The following PRR12 variants were observed in gnomAD, a reference collection of about 807,000 sequenced individuals.
The protein encoded by PRR12 is proline rich 12.
In PRR12, 12 loss-of-function variants were observed where a neutral mutation model predicts 138.0. That is an observed-to-expected ratio of 0.09 (90% CI 0.06 to 0.14). The LOEUF is 0.14. PRR12 is among the 10% of genes least tolerant of loss of function. PRR12 has a pLI of 1.00. For synonymous variants in PRR12, 1,567 were observed against 1,291.7 expected, an observed-to-expected ratio of 1.21 and a Z score of -4.57; for missense variants, 2,692 against 2,861.3, an observed-to-expected ratio of 0.94 and a Z score of 1.35.
chr19:49,612,244 A>AT (rs995578120), intron 6 of PRR12, among the ~76,000 whole-genome samples: 4 of 151,746 alleles, frequency 2.6e-5, no homozygotes, highest in African/African-American at 9.7e-5. Context: ...AAAAAAAAAA[A>AT]AAAGCTTGCT....
intron 6 of PRR12, among the ~76,000 whole-genome samples, chr19:49,613,976 C>T (rs758483807): frequency 2.6e-5 from 4 of 152,084 alleles, no homozygotes; most frequent in Non-Finnish European, 2.9e-5. Context: ...GGTGTGGTGG[C>T]GCATGCCTGT....
chr19:49,614,278 G>C lies in PRR12; in HGVS notation c.4774-255G>C, dbSNP rs1370952738. ...AAGTTTTGGGCTTTCACCCCGTAAA[G>C]CAATAGTGACTCAAACTCTACAGCC... On this transcript the variant is annotated intron_variant, in intron 6 of 13. Coordinates refer to ENST00000418929, the MANE Select transcript of PRR12 (RefSeq NM_020719.3). The surrounding 1 kb of genome is among the most constrained non-coding windows in gnomAD (Gnocchi z 5.0). Among the ~76,000 whole-genome samples, 1 of 152,194 alleles carries C rather than the reference G, an allele frequency of 6.6e-6. No individual in the cohort carries two copies. Among genetic ancestry groups the C allele is most frequent in the African/African-American group, 2.4e-5 (1 of 41,464 alleles).
At chr19:49,610,099 C>G (rs544530040) in intron 6 of PRR12, among the ~76,000 whole-genome samples, 1 of 152,084 alleles carries the variant, frequency 6.6e-6, no homozygotes, top group South Asian at 2.1e-4. Context: ...CTCAGCCTCC[C>G]GAGTAGCTGG....
intron 4 of PRR12, among the ~76,000 whole-genome samples, chr19:49,598,334 A>G (rs1255419872): frequency 6.6e-6 from 1 of 151,902 alleles, no homozygotes; most frequent in Non-Finnish European, 1.5e-5. Flanking sequence ...TCGGCCTCCC[A>G]AAGTGCTGGG....
rs746685827 is a variant in PRR12, at chr19:49,596,732, C to G, written c.2397C>G (p.Pro799=). 3.7e-6 allele frequency: 6 copies of G among 1,605,042 alleles called. No individual in the cohort carries two copies. The highest frequency in any genetic ancestry group is 3.4e-6 in the Non-Finnish European group (4 of 1,178,710). Residue 799 remains proline, a synonymous_variant, in exon 4 of 14, where the codon CCC becomes CCG. Coordinates refer to ENST00000418929, the MANE Select transcript of PRR12 (RefSeq NM_020719.3). This position sits in a 1 kb window ranked among gnomAD's most constrained non-coding sequence, Gnocchi z 5.6. ...CACTGGTGCTGCCTCCGCCTCCCCC[C>G]CAGCTGCTCCCCTCGGTCCTCAGCC... The part of the protein sequence containing the change: ...DLPLVLPPPP[P]QLLPSVLSHA...
At position 49,599,915 on chromosome 19, in the gene PRR12, G is replaced by A. The variant is rs1467693125; in HGVS notation, c.4322G>A (p.Ser1441Asn). The change falls in exon 5 of 14, where the codon AGT becomes AAT. Residue 1441 changes from serine to asparagine, a missense_variant. This residue lies in a region of PRR12 where 231 missense variants were observed against 200.8 expected (regional missense o/e 1.15). Transcript: ENST00000418929. The surrounding 1 kb of genome is among the most constrained non-coding windows in gnomAD (Gnocchi z 5.0). ...CCACCCCCTCTTCCGGGGCTCCCCA[G>A]TGCCAACAGCAATGGCACTCCCGGT... ...PGPPPLPGLP[S>N]ANSNGTPEPP... 2 of 1,607,044 alleles carry A rather than the reference G, an allele frequency of 1.2e-6. No homozygotes were observed. Among genetic ancestry groups the A allele is most frequent in the Admixed American group, 3.4e-5 (2 of 59,672 alleles).
At chr19:49,622,928 T>TATATATATAGAG (rs1320368074) in intron 11 of PRR12, among the ~76,000 whole-genome samples, 1 of 77,756 alleles carries the variant, frequency 1.3e-5, no homozygotes. Flanking sequence ...TATATATATA[T>TATATATATAGAG]AGAGAGAGAG....
chr19:49,596,424 A>C lies in PRR12; in HGVS notation c.2089A>C (p.Arg697=), dbSNP rs770071734. ...CGAGTTGGCCAAGGAAGACCCCCAG[A>C]GGTACCACCTGCAGAGTGTCATCCG... ...PYELAKEDPQ[R]YHLQSVIRTS... Residue 697 remains arginine, a synonymous_variant, in exon 4 of 14, where the codon AGG becomes CGG. Coordinates refer to ENST00000418929, the MANE Select transcript of PRR12 (RefSeq NM_020719.3). This position sits in a 1 kb window ranked among gnomAD's most constrained non-coding sequence, Gnocchi z 5.6. The C allele has an allele frequency of 6.2e-7, 1 of 1,609,936 alleles. No individual in the cohort carries two copies. The highest frequency in any genetic ancestry group is 8.5e-7 in the Non-Finnish European group (1 of 1,179,444).
intron 9 of PRR12, among the ~76,000 whole-genome samples, chr19:49,618,646 CACAA>C (rs1437408835): frequency 1.2e-4 from 19 of 152,126 alleles, no homozygotes; most frequent in Admixed American, 1.1e-3. Flanking sequence ...GCCTCAGTCT[CACAA>C]AGTGCTGGGA....
intron 6 of PRR12, among the ~76,000 whole-genome samples, chr19:49,607,534 C>A (rs1245453362): frequency 4.6e-5 from 7 of 151,364 alleles, no homozygotes; most frequent in African/African-American, 1.2e-4. Context: ...GGCAAAACGC[C>A]CCCCCTACAA....
At chr19:49,621,417 T>C (rs2080922871) in intron 10 of PRR12, 108 bp from the exon 11 acceptor site, 1 of 858,084 alleles carries the variant, frequency 1.2e-6, no homozygotes. Flanking sequence ...CCTGTACTTT[T>C]GTCTCTGAGT....
chr19:49,596,857 C>T lies in PRR12; in HGVS notation c.2522C>T (p.Pro841Leu), dbSNP rs766777377. The T allele has an allele frequency of 2.6e-5, 41 of 1,576,284 alleles. No homozygotes were observed. The highest frequency in any genetic ancestry group is 3.5e-5 in the Admixed American group (2 of 57,354). Reference protein sequence around the residue: ...GAPQPPPPPPPPPPPMPLQLE... With the variant: ...GAPQPPPPPPLPPPPMPLQLE... The stretch of plus-strand genomic sequence containing the variant: ...CCCCAGCCACCTCCACCGCCACCCC[C>T]GCCTCCACCACCCATGCCCCTGCAG... Residue 841 changes from proline to leucine, a missense_variant, in exon 4 of 14, where the codon CCG (proline) becomes CTG (leucine). This residue lies in a region of PRR12 where 840 missense variants were observed against 689.8 expected (regional missense o/e 1.22). Transcript: ENST00000418929. This position sits in a 1 kb window ranked among gnomAD's most constrained non-coding sequence, Gnocchi z 5.6.
chr19:49,603,746 A>G (rs953324383), intron 6 of PRR12, among the ~76,000 whole-genome samples: 36 of 152,178 alleles, frequency 2.4e-4, no homozygotes, highest in Admixed American at 2.2e-3. Flanking sequence ...GTTTTAATTT[A>G]ATCTTCGATG....
intron 4 of PRR12, 26 bp downstream of exon 4, chr19:49,598,039 G>C (rs1413690925): frequency 7.6e-7 from 1 of 1,319,166 alleles, no homozygotes; most frequent in African/African-American, 1.5e-5. Flanking sequence ...GTCTTGTAGG[G>C]GATAGGGGAG....
Position 49,598,029 on chromosome 19 carries a change from G to C in PRR12, c.3678+16G>C. On this transcript the variant is annotated intron_variant, in intron 4 of 13. Transcript: ENST00000418929. Reference sequence around the variant, plus strand: ...GCCACTTAAGGTGAGGGGAAATGGGGTCTTGTAGGGGATAGGGGAGGAGGA... The same window carrying C: ...GCCACTTAAGGTGAGGGGAAATGGGCTCTTGTAGGGGATAGGGGAGGAGGA... 1 of 1,345,462 alleles carries C rather than the reference G, an allele frequency of 7.4e-7. No individual in the cohort carries two copies. Among genetic ancestry groups the C allele is most frequent in the African/African-American group, 1.5e-5 (1 of 65,106 alleles). The allele number at this position is 1,345,462 out of a possible 1,614,324, so 83.3% of individuals were successfully genotyped here.
chr19:49,621,617 C>T lies in PRR12; in HGVS notation c.5716C>T (p.Leu1906=). The T allele has an allele frequency of 1.3e-6, 2 of 1,586,922 alleles. No homozygotes were observed. The highest frequency in any genetic ancestry group is 1.7e-6 in the Non-Finnish European group (2 of 1,167,782). The change falls in exon 11 of 14, where the codon CTG becomes TTG. Residue 1906 remains leucine (L), a synonymous_variant. Coordinates refer to ENST00000418929, the MANE Select transcript of PRR12 (RefSeq NM_020719.3). ...GAAGCGGCTGTCGCTAAGCCCAGCCCTGCAGGTGCCTGGGGGTCTGGGCAG... is the reference window on the plus strand; with the variant it reads ...GAAGCGGCTGTCGCTAAGCCCAGCCTTGCAGGTGCCTGGGGGTCTGGGCAG... ...VLKRLSLSPA[L]QDALHTFPQL...
At chr19:49,593,270 C>A in intron 1 of PRR12, 57 bp from the exon 2 acceptor site, 1 of 856,932 alleles carries the variant, frequency 1.2e-6, no homozygotes. Flanking sequence ...GTTTTCTGAG[C>A]TTCCTTCTCA....
chr19:49,614,067 C>A lies in PRR12; in HGVS notation c.4774-466C>A, dbSNP rs1599798456. On this transcript the variant is annotated intron_variant, in intron 6 of 13. Transcript: ENST00000418929. This position sits in a 1 kb window ranked among gnomAD's most constrained non-coding sequence, Gnocchi z 5.0. Reference sequence around the variant, plus strand: ...GAGGTCGCAGTGAGCTGAGATTGCGCCACTGCACTCCAACCTGGGCAACAA... The same window carrying A: ...GAGGTCGCAGTGAGCTGAGATTGCGACACTGCACTCCAACCTGGGCAACAA... Among the ~76,000 whole-genome samples the A allele has an allele frequency of 2.0e-5, 3 of 152,136 alleles. No individual in the cohort carries two copies. The highest frequency in any genetic ancestry group is 7.2e-5 in the African/African-American group (3 of 41,424).
rs1197347659 is a variant in PRR12 at position 49,616,379 on chromosome 19, C to T, written c.5497+160C>T. On this transcript the variant is annotated intron_variant, in intron 9 of 13. Coordinates refer to ENST00000418929, the MANE Select transcript of PRR12 (RefSeq NM_020719.3). This position sits in a 1 kb window ranked among gnomAD's most constrained non-coding sequence, Gnocchi z 4.2. Reference sequence around the variant, plus strand: ...AGTCACGGGGCATCTCACTACACGACAGGCTGCCTCCTGAGAAGCTGATGG... The same window carrying T: ...AGTCACGGGGCATCTCACTACACGATAGGCTGCCTCCTGAGAAGCTGATGG... Among the ~76,000 whole-genome samples the T allele has an allele frequency of 1.3e-5, 2 of 148,934 alleles. No individual in the cohort carries two copies. Among genetic ancestry groups the T allele is most frequent in the African/African-American group, 5.0e-5 (2 of 39,770 alleles).
Sources: gnomAD v4.1 joint callset for allele counts (sites outside exome capture counted in the v4.1 genomes callset) on GRCh38, gnomAD v4.1.1 for gene constraint, gnomAD v4.1.1 regional missense constraint, Gnocchi (gnomAD v3.1) non-coding constraint, MANE v1.5 for transcripts, NCBI Gene and HGNC (gene_info 2026-07-23, HGNC 2026-07-21) for gene names.